The following TBC1D1 variants were observed in gnomAD, a reference collection of about 807,000 sequenced individuals.
TBC1D1 encodes TBC1 (tre-2/USP6, BUB2, cdc16) domain family, member 1.
Under a neutral mutation model 125.6 loss-of-function variants are expected in TBC1D1, and 89 were observed. That is an observed-to-expected ratio of 0.71 (90% confidence interval 0.60 to 0.85). The LOEUF is 0.85. Ranked by LOEUF, TBC1D1 falls within the 40% of genes least tolerant of loss-of-function variation. The pLI is 0.00. For synonymous variants in TBC1D1, 565 were observed against 564.1 expected (o/e 1.00, Z -0.02); for missense variants, 1,377 against 1,469.2 (o/e 0.94, Z 1.03).
intron 2 of TBC1D1, among the ~76,000 whole-genome samples, chr4:37,960,275 C>T (rs1179300665): frequency 6.6e-6 from 1 of 152,236 alleles, no homozygotes; most frequent in Admixed American, 6.5e-5. Context: ...GACCTCAGGC[C>T]TGTGCTCTTT....
Position 38,021,607 on chromosome 4 carries a change from C to T in TBC1D1, c.1099C>T (p.Leu367=). The T allele has an allele frequency of 6.3e-7, 1 of 1,579,370 alleles. No individual in the cohort carries two copies. The highest frequency in any genetic ancestry group is 8.6e-7 in the Non-Finnish European group (1 of 1,164,678). Residue 367 remains leucine (L), a synonymous_variant, in exon 6 of 20, where the codon CTG becomes TTG. Transcript: ENST00000261439. ...TTAGGTTGATGAAATTATGATGACC[C>T]TGAAACAGGCCTTCACGGTGGCCGC... is the stretch of plus-strand genomic sequence containing the variant.
At chr4:37,900,659 A>G (rs914970703) in intron 1 of TBC1D1, among the ~76,000 whole-genome samples, 1 of 152,202 alleles carries the variant, frequency 6.6e-6, no homozygotes, top group Non-Finnish European at 1.5e-5. Flanking sequence ...CTGAAGATCC[A>G]GGGAGCAAGT....
intron 1 of TBC1D1, among the ~76,000 whole-genome samples, chr4:37,895,724 A>G (rs1465469630): frequency 6.6e-6 from 1 of 152,210 alleles, no homozygotes; most frequent in Non-Finnish European, 1.5e-5. Context: ...AATAATTTAT[A>G]TGAGAAAGAA....
intron 15 of TBC1D1, among the ~76,000 whole-genome samples, chr4:38,104,749 A>AT (rs33994276): frequency 0.59 from 88,256 of 148,564 alleles, 27,171 homozygotes; most frequent in African/African-American, 0.78. Context: ...CCTTAAGGTT[A>AT]TTTTTTTTTT....
intron 2 of TBC1D1, among the ~76,000 whole-genome samples, chr4:37,948,210 G>T (rs1255342228): frequency 1.3e-5 from 2 of 152,180 alleles, no homozygotes; most frequent in African/African-American, 2.4e-5. Context: ...GAGCAGCAAG[G>T]CGGACTGGAG....
chr4:38,083,463 C>T (rs1020538288), intron 12 of TBC1D1, among the ~76,000 whole-genome samples: 6 of 152,214 alleles, frequency 3.9e-5, no homozygotes, highest in African/African-American at 1.4e-4. Context: ...TGGATTTTAC[C>T]TGTTCTTCCA....
chr4:37,936,695 C>T (rs2152297836), intron 2 of TBC1D1, among the ~76,000 whole-genome samples: 1 of 152,256 alleles, frequency 6.6e-6, no homozygotes, highest in East Asian at 1.9e-4. Flanking sequence ...CAAAGTACAA[C>T]AGACTTCTGG....
At chr4:37,955,545 T>C (rs915947070) in intron 2 of TBC1D1, among the ~76,000 whole-genome samples, 2 of 152,338 alleles carry the variant, frequency 1.3e-5, no homozygotes, top group East Asian at 1.9e-4. Context: ...GTTCAGGGAA[T>C]AGTTATAAGA....
chr4:37,909,220 C>G (rs1337558154), intron 2 of TBC1D1, among the ~76,000 whole-genome samples: 2 of 152,162 alleles, frequency 1.3e-5, no homozygotes, highest in African/African-American at 4.8e-5. Flanking sequence ...TGCATGTTAC[C>G]TCGCATATTA....
At chr4:38,062,621 A>T (rs980949906) in intron 12 of TBC1D1, among the ~76,000 whole-genome samples, 1 of 21,780 alleles carries the variant, frequency 4.6e-5, no homozygotes, top group Non-Finnish European at 9.8e-5. Flanking sequence ...TACCCCACCC[A>T]CCCTGCGCCG....
chr4:38,069,818 A>G (rs10028910), intron 12 of TBC1D1, among the ~76,000 whole-genome samples: 24,259 of 152,196 alleles, frequency 0.16, 2,634 homozygotes, highest in African/African-American at 0.3. Context: ...CCCTGGGCCA[A>G]GCTTGTCCAA....
intron 19 of TBC1D1, 96 bp from the exon 22 acceptor site, chr4:38,137,039 T>G: frequency 6.3e-7 from 1 of 1,586,030 alleles, no homozygotes; most frequent in Non-Finnish European, 8.6e-7. Context: ...GAAACTCGGC[T>G]CCAGAGTGCT....
intron 2 of TBC1D1, among the ~76,000 whole-genome samples, chr4:37,988,071 C>T (rs920769642): frequency 6.6e-6 from 1 of 152,158 alleles, no homozygotes; most frequent in African/African-American, 2.4e-5. Context: ...TGCCAGGTGC[C>T]CATCAGGTAG....
At chr4:38,096,570 G>A (rs1311347534) in intron 14 of TBC1D1, among the ~76,000 whole-genome samples, 1 of 152,146 alleles carries the variant, frequency 6.6e-6, no homozygotes, top group Non-Finnish European at 1.5e-5. Flanking sequence ...TAAGATGTGG[G>A]TGCTGACAGT....
chr4:38,039,179 G>A (rs1348832666), intron 8 of TBC1D1, among the ~76,000 whole-genome samples: 1 of 126,316 alleles, frequency 7.9e-6, no homozygotes, highest in Non-Finnish European at 1.6e-5. Flanking sequence ...GTGCAGTGGC[G>A]CTATCTTGGC....
chr4:38,076,470 C>G (rs903646698), intron 12 of TBC1D1, among the ~76,000 whole-genome samples: 3 of 152,146 alleles, frequency 2.0e-5, no homozygotes, highest in Non-Finnish European at 4.4e-5. Flanking sequence ...ATGATCCTCC[C>G]GCACCCGTCT....
intron 1 of TBC1D1, among the ~76,000 whole-genome samples, chr4:37,893,044 A>T (rs1288889925): frequency 2.0e-5 from 3 of 152,068 alleles, no homozygotes; most frequent in Non-Finnish European, 4.4e-5. Context: ...AGCAGTGGGG[A>T]GCCTGAATCA....
chr4:37,964,274 G>A (rs1293353184), intron 2 of TBC1D1, among the ~76,000 whole-genome samples: 1 of 152,224 alleles, frequency 6.6e-6, no homozygotes, highest in African/African-American at 2.4e-5. Flanking sequence ...GAGGCCGTGT[G>A]CCCCTTTCTT....
At chr4:37,976,365 C>T (rs1316733966) in intron 2 of TBC1D1, among the ~76,000 whole-genome samples, 2 of 152,204 alleles carry the variant, frequency 1.3e-5, no homozygotes, top group Non-Finnish European at 2.9e-5. Context: ...CTAAGATGCT[C>T]CTGGATTTCT....
Sources: gnomAD v4.1 joint callset for allele counts (sites outside exome capture counted in the v4.1 genomes callset) on GRCh38, gnomAD v4.1.1 for gene constraint, MANE v1.5 for transcripts, NCBI Gene and HGNC (gene_info 2026-07-23, HGNC 2026-07-21) for gene names.